The following RBFOX1 variants were observed in gnomAD, a reference collection of about 807,000 sequenced individuals.
RBFOX1 encodes RNA binding fox-1 homolog 1.
A neutral mutation model predicts 57.7 loss-of-function variants in RBFOX1; 8 were observed. The observed-to-expected ratio is 0.14, with a 90% confidence interval of 0.08 to 0.25. RBFOX1 has a LOEUF of 0.25. RBFOX1 is among the 10% of genes least tolerant of loss of function. The pLI is 1.00. For missense variants in RBFOX1, 611 were observed against 548.5 expected (o/e 1.11, Z -1.14); for synonymous variants, 326 against 222.4 (o/e 1.47, Z -4.15).
rs199961799 is a variant in RBFOX1 at position 6,386,776 on chromosome 16, TG to T, written c.-64+69723del. On this transcript the variant is annotated intron_variant, in intron 2 of 15. Coordinates refer to ENST00000550418, the MANE Select transcript of RBFOX1 (RefSeq NM_018723.4). ...GGTAGGGGAATCCACAAAGATTCTCTGGGGATCTACTATTTCAGCAGAAATA... is the reference window on the plus strand; with the variant it reads ...GGTAGGGGAATCCACAAAGATTCTCTGGGATCTACTATTTCAGCAGAAATA... Among the ~76,000 whole-genome samples the T allele has an allele frequency of 9.5e-3, 1,444 of 152,294 alleles. 25 individuals are homozygous for T. Among genetic ancestry groups the T allele is most frequent in the African/African-American group, 0.033 (1,385 of 41,554 alleles).
intron 4 of RBFOX1, among the ~76,000 whole-genome samples, chr16:7,187,904 A>T (rs1304643511): frequency 6.6e-6 from 1 of 152,158 alleles, no homozygotes; most frequent in African/African-American, 2.4e-5. Context: ...TGTCAAGTGA[A>T]CAAAGTGGTT....
chr16:6,609,725 A>G (rs1020768517), intron 2 of RBFOX1, among the ~76,000 whole-genome samples: 2 of 152,142 alleles, frequency 1.3e-5, no homozygotes, highest in Non-Finnish European at 2.9e-5. Context: ...AACACTAGCA[A>G]TGGGTCAGGC....
chr16:6,148,262 G>T (rs889089709), intron 1 of RBFOX1, among the ~76,000 whole-genome samples: 5 of 152,230 alleles, frequency 3.3e-5, no homozygotes, highest in African/African-American at 9.6e-5. Flanking sequence ...GGGAGGTAGA[G>T]GTTGCAGTGA....
At chr16:5,598,912 C>G (rs946290943) in exon 3 of RBFOX1, 2 of 1,524,142 alleles carry the variant, frequency 1.3e-6, no homozygotes, top group Non-Finnish European at 1.8e-6. Context: ...GACTACAAGT[C>G]TGAAAATTCA....
At chr16:6,251,417 G>A (rs959541522) in intron 1 of RBFOX1, among the ~76,000 whole-genome samples, 2 of 152,126 alleles carry the variant, frequency 1.3e-5, no homozygotes, top group Non-Finnish European at 2.9e-5. Context: ...TGTGGAGGGG[G>A]CAGGAACTGA....
At chr16:7,160,791 C>A (rs2078153433) in intron 4 of RBFOX1, among the ~76,000 whole-genome samples, 1 of 147,504 alleles carries the variant, frequency 6.8e-6, no homozygotes, top group Admixed American at 6.8e-5. Flanking sequence ...TTTTCTCCCT[C>A]CTCCGTCTCC....
rs183893214 is a variant in RBFOX1, at chr16:6,860,483, G to A, written c.-15-191574G>A. Among the ~76,000 whole-genome samples the A allele has an allele frequency of 5.8e-3, 876 of 152,320 alleles. 7 individuals carry two copies. Among genetic ancestry groups the A allele is most frequent in the African/African-American group, 0.02 (825 of 41,556 alleles). On this transcript the variant is annotated intron_variant, in intron 3 of 15. Coordinates refer to ENST00000550418, the MANE Select transcript of RBFOX1 (RefSeq NM_018723.4). ...GCTGCTGATGGAAGAGTATATTGATGCACCTGCTTTGGCGCTCACTTTAGT... is the reference window on the plus strand; with the variant it reads ...GCTGCTGATGGAAGAGTATATTGATACACCTGCTTTGGCGCTCACTTTAGT...
At chr16:6,349,812 T>G (rs17139901) in intron 2 of RBFOX1, among the ~76,000 whole-genome samples, 1 of 152,078 alleles carries the variant, frequency 6.6e-6, no homozygotes, top group Non-Finnish European at 1.5e-5. Context: ...CAATACTTTA[T>G]AGGAAAAATG....
intron 4 of RBFOX1, among the ~76,000 whole-genome samples, chr16:5,956,719 A>C (rs2059651098): frequency 7.1e-6 from 1 of 140,400 alleles, no homozygotes; most frequent in South Asian, 2.2e-4. Context: ...CCCAGGCTGG[A>C]GTGCACTGGC....
At chr16:5,348,728 C>T (rs555718380) in intron 1 of RBFOX1, among the ~76,000 whole-genome samples, 1 of 152,272 alleles carries the variant, frequency 6.6e-6, no homozygotes, top group East Asian at 1.9e-4. Context: ...AATGAGGACC[C>T]CTTTTCTGGG....
At chr16:7,628,176 T>C (rs1246702832) in intron 10 of RBFOX1, among the ~76,000 whole-genome samples, 2 of 152,298 alleles carry the variant, frequency 1.3e-5, no homozygotes, top group Middle Eastern at 3.4e-3. Context: ...ACATTTTTCT[T>C]TTGAAATTTA....
rs978781360 is a variant in RBFOX1, at chr16:6,992,265, G to A, written c.-15-59792G>A. Among the ~76,000 whole-genome samples the A allele has an allele frequency of 2.2e-4, 34 of 151,728 alleles. 1 individual carries two copies. Among genetic ancestry groups the A allele is most frequent in the African/African-American group, 7.7e-4 (32 of 41,306 alleles). On this transcript the variant is annotated intron_variant, in intron 3 of 15. Coordinates refer to ENST00000550418, the MANE Select transcript of RBFOX1 (RefSeq NM_018723.4). ...TGCAGCCTCTGCCTCCCGGATTCAAGGGATTTTCCTGGTGCAATCTCGGCT... is the reference window on the plus strand; with the variant it reads ...TGCAGCCTCTGCCTCCCGGATTCAAAGGATTTTCCTGGTGCAATCTCGGCT...
chr16:6,414,702 T>G (rs1286825274), intron 2 of RBFOX1, among the ~76,000 whole-genome samples: 1 of 152,204 alleles, frequency 6.6e-6, no homozygotes, highest in African/African-American at 2.4e-5. Context: ...TCACCGGCCC[T>G]GTACATATAA....
chr16:7,435,114 A>C (rs919360177), intron 4 of RBFOX1, among the ~76,000 whole-genome samples: 1 of 152,166 alleles, frequency 6.6e-6, no homozygotes. Flanking sequence ...CATTTTATTC[A>C]GATTTCCTTA....
At chr16:7,045,622 A>C (rs1222949747) in intron 3 of RBFOX1, among the ~76,000 whole-genome samples, 3 of 151,948 alleles carry the variant, frequency 2.0e-5, no homozygotes, top group African/African-American at 7.3e-5. Context: ...ATTTGAAGGC[A>C]GATGTTAAAA....
intron 2 of RBFOX1, among the ~76,000 whole-genome samples, chr16:6,478,531 C>T (rs1359068117): frequency 6.8e-6 from 1 of 147,388 alleles, no homozygotes. Flanking sequence ...GCCTTGGCCT[C>T]CCAAAATGCT....
At chr16:6,351,537 C>T (rs1013439194) in intron 2 of RBFOX1, among the ~76,000 whole-genome samples, 1 of 151,608 alleles carries the variant, frequency 6.6e-6, no homozygotes, top group Non-Finnish European at 1.5e-5. Context: ...CCCTGCCCAG[C>T]TAACTTTTGT....
intron 11 of RBFOX1, among the ~76,000 whole-genome samples, chr16:7,637,181 C>T (rs1408059063): frequency 6.6e-6 from 1 of 151,274 alleles, no homozygotes; most frequent in Non-Finnish European, 1.5e-5. Context: ...CAGAGTTGAA[C>T]AGTAGATCCC....
intron 1 of RBFOX1, among the ~76,000 whole-genome samples, chr16:6,257,945 T>C (rs1464083163): frequency 2.0e-5 from 3 of 152,126 alleles, no homozygotes; most frequent in Non-Finnish European, 4.4e-5. Flanking sequence ...TCCCCAGTAA[T>C]GGGATTGCTG....
Sources: gnomAD v4.1 joint callset for allele counts (sites outside exome capture counted in the v4.1 genomes callset) on GRCh38, gnomAD v4.1.1 for gene constraint, MANE v1.5 for transcripts, NCBI Gene and HGNC (gene_info 2026-07-23, HGNC 2026-07-21) for gene names.